CLVS1: variants seen among roughly 807,000 people sequenced by gnomAD.
CLVS1 encodes clavesin 1.
In CLVS1, 10 loss-of-function variants were observed where a neutral mutation model predicts 33.1. That is an observed-to-expected ratio of 0.30 (90% confidence interval 0.19 to 0.51). CLVS1 has a LOEUF of 0.51. Among genes scored for constraint, CLVS1 ranks in the 20% least tolerant of loss-of-function variants. The pLI is 0.97. For synonymous variants in CLVS1, 163 were observed against 166.1 expected, an observed-to-expected ratio of 0.98 and a Z score of 0.14; for missense variants, 343 against 433.4, an observed-to-expected ratio of 0.79 and a Z score of 1.85.
At chr8:61,059,696 A>G (rs1415016684) in intron 1 of CLVS1, among the ~76,000 whole-genome samples, 1 of 151,056 alleles carries the variant, frequency 6.6e-6, no homozygotes, top group African/African-American at 2.4e-5. Context: ...CTCTGATCCC[A>G]GCTACTCGGG....
Position 61,458,554 on chromosome 8 carries a change from G to T in CLVS1, c.977+12G>T, listed in dbSNP as rs1280286906. 6.5e-7 allele frequency: 1 copy of T among 1,535,272 alleles called. No individual in the cohort carries two copies. The highest frequency in any genetic ancestry group is 1.2e-5 in the South Asian group (1 of 82,790). On this transcript the variant is annotated intron_variant, in intron 5 of 5. Coordinates refer to ENST00000325897, the MANE Select transcript of CLVS1 (RefSeq NM_173519.3). ...AAGCTGATGAAAAGGTAAGGCCTGGGTTATCAGAGCCCCCCCCCCAGTCAG... is the reference window on the plus strand; with the variant it reads ...AAGCTGATGAAAAGGTAAGGCCTGGTTTATCAGAGCCCCCCCCCCAGTCAG...
chr8:61,069,664 C>T (rs1169955606), intron 1 of CLVS1, among the ~76,000 whole-genome samples: 3 of 152,172 alleles, frequency 2.0e-5, no homozygotes, highest in Admixed American at 6.5e-5. Context: ...AACACTATAC[C>T]CTCATTACCA....
intron 1 of CLVS1, among the ~76,000 whole-genome samples, chr8:61,083,088 T>C (rs938665397): frequency 6.6e-6 from 1 of 152,246 alleles, no homozygotes; most frequent in African/African-American, 2.4e-5. Flanking sequence ...TGAAAATAAA[T>C]TCTTCAGAAA....
chr8:61,300,466 T>C lies in CLVS1; in HGVS notation c.455+184T>C, dbSNP rs1373756178. 1.2e-5 allele frequency: 7 copies of C among 569,064 alleles called. No individual in the cohort carries two copies. The Admixed American group carries it at 1.3e-4, about 11-fold the overall frequency. 35.3% of individuals were successfully genotyped at this position (569,064 alleles called of 1,614,324 possible). ...GGCAATTCCAGATGGAACAATAGAATTGTAACATTAGAGTTGTAAGAGACC... is the reference window on the plus strand; with the variant it reads ...GGCAATTCCAGATGGAACAATAGAACTGTAACATTAGAGTTGTAAGAGACC... On this transcript the variant is annotated intron_variant, in intron 2 of 5. Coordinates refer to ENST00000325897, the MANE Select transcript of CLVS1 (RefSeq NM_173519.3).
chr8:61,323,429 T>C (rs1028969023), intron 2 of CLVS1, among the ~76,000 whole-genome samples: 1 of 152,178 alleles, frequency 6.6e-6, no homozygotes, highest in Non-Finnish European at 1.5e-5. Context: ...AAAGTAACAT[T>C]GCAGAGGAAC....
intron 3 of CLVS1, among the ~76,000 whole-genome samples, chr8:61,398,724 GC>G (rs1454386149): frequency 6.6e-6 from 1 of 151,834 alleles, no homozygotes; most frequent in East Asian, 1.9e-4. Flanking sequence ...CCTCCGACAG[GC>G]CCCAGTATGT....
At chr8:61,240,449 T>C (rs1422440076) in intron 2 of CLVS1, among the ~76,000 whole-genome samples, 1 of 152,212 alleles carries the variant, frequency 6.6e-6, no homozygotes, top group Non-Finnish European at 1.5e-5. Context: ...CAGCAATTGG[T>C]CACCCTCTGT....
chr8:61,462,329 C>T (rs1276700589), intron 5 of CLVS1, among the ~76,000 whole-genome samples: 1 of 152,176 alleles, frequency 6.6e-6, no homozygotes, highest in Non-Finnish European at 1.5e-5. Context: ...TCAGACAAAT[C>T]ACTATCTATG....
chr8:61,301,062 TC>T (rs1585771033), intron 2 of CLVS1: 1 of 152,366 alleles, frequency 6.6e-6, no homozygotes, highest in East Asian at 1.9e-4. Context: ...TCTTATCTCT[TC>T]TGAGTCATTC....
intron 2 of CLVS1, among the ~76,000 whole-genome samples, chr8:61,237,107 A>G (rs1808582075): frequency 6.6e-6 from 1 of 152,152 alleles, no homozygotes; most frequent in African/African-American, 2.4e-5. Context: ...ACAAAGGGGG[A>G]TTTTTAAAAT....
chr8:61,007,435 C>T, the CLVS1 span, among the ~76,000 whole-genome samples: 1 of 152,184 alleles, frequency 6.6e-6, no homozygotes, highest in Non-Finnish European at 1.5e-5. Context: ...CTTAAAAAGT[C>T]AAGTTCTTGG....
intron 2 of CLVS1, among the ~76,000 whole-genome samples, chr8:61,256,520 AAAAAC>A (rs778837908): frequency 3.3e-5 from 5 of 152,358 alleles, no homozygotes; most frequent in East Asian, 1.9e-4. Flanking sequence ...CTCAAAAACA[AAAAAC>A]AAAACAAAAC....
chr8:61,362,697 G>A (rs1011021526), intron 2 of CLVS1, among the ~76,000 whole-genome samples: 7 of 152,128 alleles, frequency 4.6e-5, no homozygotes, highest in African/African-American at 1.4e-4. Context: ...TCCAGTTGAA[G>A]ATCACTATTA....
rs555348913 is a variant in CLVS1, at chr8:61,360,639, A to G, written c.456-15966A>G. ...TTCTGTTTTGTTAGATTTCAAGATT[A>G]GTCTGAAGTTTTTGTTTTTGTTTTT... On this transcript the variant is annotated intron_variant, in intron 2 of 5. Coordinates refer to ENST00000325897, the MANE Select transcript of CLVS1 (RefSeq NM_173519.3). Among the ~76,000 whole-genome samples, 17 of 152,316 alleles carry G rather than the reference A, an allele frequency of 1.1e-4. No individual in the cohort carries two copies. The South Asian group carries it at 3.3e-3, about 30-fold the overall frequency.
the CLVS1 span, among the ~76,000 whole-genome samples, chr8:61,037,632 C>A: frequency 6.6e-6 from 1 of 152,198 alleles, no homozygotes; most frequent in Admixed American, 6.5e-5. Flanking sequence ...TAATGACAAT[C>A]TCTTCAAATT....
intron 2 of CLVS1, among the ~76,000 whole-genome samples, chr8:61,372,430 T>C (rs1813477968): frequency 1.3e-5 from 2 of 152,172 alleles, no homozygotes; most frequent in South Asian, 2.1e-4. Flanking sequence ...TTTACAACAA[T>C]GTTAGATTTA....
intron 2 of CLVS1, among the ~76,000 whole-genome samples, chr8:61,249,758 A>T (rs1199727696): frequency 6.6e-6 from 1 of 151,910 alleles, no homozygotes. Context: ...CCAGTTTTTG[A>T]TGGGGTTGTT....
At chr8:61,444,064 A>G (rs938068870) in intron 3 of CLVS1, among the ~76,000 whole-genome samples, 1 of 152,072 alleles carries the variant, frequency 6.6e-6, no homozygotes, top group African/African-American at 2.4e-5. Flanking sequence ...TAATTTTTTT[A>G]TATTTATCTT....
At chr8:61,110,343 C>T (rs529268038) in intron 1 of CLVS1, among the ~76,000 whole-genome samples, 3 of 152,256 alleles carry the variant, frequency 2.0e-5, no homozygotes, top group East Asian at 1.9e-4. Context: ...CTTGCTCTCT[C>T]CCTTCCCTCT....
Sources: allele counts gnomAD v4.1 joint callset (sites outside exome capture counted in the v4.1 genomes callset), GRCh38; gene constraint gnomAD v4.1.1; transcripts MANE v1.5; gene names NCBI Gene and HGNC (gene_info 2026-07-23, HGNC 2026-07-21).